The following CDC7 variants were observed in gnomAD, a reference collection of about 807,000 sequenced individuals.
CDC7 encodes the protein cell division cycle 7-related protein kinase.
CDC7 carries 34 observed loss-of-function variants against 53.5 expected under a neutral mutation model. That is an observed-to-expected ratio of 0.64 (90% confidence interval 0.48 to 0.85). The LOEUF (loss-of-function observed/expected upper bound fraction) is 0.85, where lower values mean the gene tolerates loss of function less well. Among genes scored for constraint, CDC7 ranks in the 40% least tolerant of loss-of-function variants. The pLI is 0.00. For synonymous variants in CDC7, 211 were observed against 222.8 expected (o/e 0.95, Z 0.47); for missense variants, 594 against 679.7 (o/e 0.87, Z 1.40).
chr1:91,510,344 C>T (rs926574989), intron 4 of CDC7, among the ~76,000 whole-genome samples: 2 of 151,886 alleles, frequency 1.3e-5, no homozygotes, highest in Non-Finnish European at 2.9e-5. Flanking sequence ...CGTATTCTGT[C>T]ATTATAAGTT....
intron 4 of CDC7, among the ~76,000 whole-genome samples, chr1:91,511,291 A>G (rs1571322997): frequency 6.6e-6 from 1 of 152,176 alleles, no homozygotes; most frequent in Non-Finnish European, 1.5e-5. Context: ...TATTACTGTT[A>G]CCATCTTATC....
chr1:91,522,614 A>G (rs1557602785), intron 11 of CDC7, among the ~76,000 whole-genome samples: 1 of 152,210 alleles, frequency 6.6e-6, no homozygotes, highest in Non-Finnish European at 1.5e-5. Context: ...ATGCTATAAC[A>G]TATACTATTA....
rs1273918040 is a variant in CDC7 at position 91,524,910 on chromosome 1, A to G, written c.*475A>G. 1 of 153,334 alleles carries G rather than the reference A, an allele frequency of 6.5e-6. No individual in the cohort carries two copies. The highest frequency in any genetic ancestry group is 1.5e-5 in the Non-Finnish European group (1 of 68,908). The allele number at this position is 153,334 out of a possible 1,614,324, so 9.5% of individuals were successfully genotyped here. A position where few individuals can be genotyped will look rare whatever the true frequency, so the allele number is the denominator to read the frequency against. The stretch of plus-strand genomic sequence containing the variant: ...AATAAAGAAGATAATTTCCTTTTCT[A>G]GAGGTACATATTAGGCCTTTTATGA... On this transcript the variant is annotated 3_prime_UTR_variant, in exon 12 of 12. Coordinates refer to ENST00000234626, the MANE Select transcript of CDC7 (RefSeq NM_003503.4).
Position 91,523,905 on chromosome 1 carries a change from TG to T in CDC7, c.1331-135del. On this transcript the variant is annotated intron_variant, in intron 11 of 11. Coordinates refer to ENST00000234626, the MANE Select transcript of CDC7 (RefSeq NM_003503.4). Reference sequence around the variant, plus strand: ...TGCTCTATCTCATACTGTGTGTGTGTGTGTGTGTGTGTGTGTGTGTCCATGT... The same window carrying T: ...TGCTCTATCTCATACTGTGTGTGTGTTGTGTGTGTGTGTGTGTGTCCATGT... 4 of 560,742 alleles carry T rather than the reference TG, an allele frequency of 7.1e-6. 1 individual carries two copies. Among genetic ancestry groups the T allele is most frequent in the Non-Finnish European group, 1.2e-5 (4 of 320,676 alleles). 34.7% of individuals were successfully genotyped at this position (560,742 alleles called of 1,614,324 possible).
chr1:91,514,245 CA>C (rs1667436617), intron 8 of CDC7, among the ~76,000 whole-genome samples: 1 of 152,044 alleles, frequency 6.6e-6, no homozygotes, highest in Non-Finnish European at 1.5e-5. Context: ...AATTTTTTCT[CA>C]TTTTTGGTTA....
chr1:91,514,980 T>C lies in CDC7; in HGVS notation c.1080T>C (p.Cys360=). The C allele has an allele frequency of 3.1e-6, 5 of 1,610,088 alleles. No individual in the cohort carries two copies. Among genetic ancestry groups the C allele is most frequent in the Non-Finnish European group, 4.2e-6 (5 of 1,178,918 alleles). The change falls in exon 9 of 12, where the codon TGT becomes TGC. Residue 360 remains cysteine (C), a synonymous_variant. Coordinates refer to ENST00000234626, the MANE Select transcript of CDC7 (RefSeq NM_003503.4). ...TCDCYATDKV[C]SICLSRRQQV... ...ACTGCTATGCAACAGATAAAGTTTG[T>C]AGTATTTGCCTTTCAAGGTAATGTG...
chr1:91,513,386 CT>C, intron 7 of CDC7, 79 bp downstream of exon 7: 1 of 1,323,410 alleles, frequency 7.6e-7, no homozygotes, highest in Non-Finnish European at 1.1e-6. Flanking sequence ...AGATAGAATA[CT>C]AGGATAGTAC....
intron 2 of CDC7, among the ~76,000 whole-genome samples, chr1:91,506,295 A>T (rs1030253156): frequency 3.3e-5 from 5 of 151,752 alleles, no homozygotes; most frequent in African/African-American, 1.2e-4. Flanking sequence ...CCACCGCCCC[A>T]GGCCACATTG....
intron 6 of CDC7, among the ~76,000 whole-genome samples, chr1:91,512,167 A>G (rs1426967913): frequency 6.6e-6 from 1 of 152,076 alleles, no homozygotes; most frequent in African/African-American, 2.4e-5. Flanking sequence ...CAGAGTGTGC[A>G]TTAGGTCTAG....
In CDC7 at chr1:91,512,365, A is replaced by G. The variant is rs13447507; in HGVS notation, c.572+442A>G. On this transcript the variant is annotated intron_variant, in intron 6 of 11. Coordinates refer to ENST00000234626, the MANE Select transcript of CDC7 (RefSeq NM_003503.4). The stretch of plus-strand genomic sequence containing the variant: ...AATAATGTACATTATTAGATGTACT[A>G]TGGTTCAGTGGAAATAGCATGAACT... Among the ~76,000 whole-genome samples, 979 of 150,844 alleles carry G rather than the reference A, an allele frequency of 6.5e-3. 8 individuals are homozygous for G. The highest frequency in any genetic ancestry group is 0.023 in the African/African-American group (928 of 41,072).
chr1:91,518,273 A>G, intron 10 of CDC7, among the ~76,000 whole-genome samples: 1 of 152,102 alleles, frequency 6.6e-6, no homozygotes, highest in South Asian at 2.1e-4. Context: ...TCAGAAGATT[A>G]AAGTTTCTAT....
At chr1:91,513,342 G>A in intron 7 of CDC7, 35 bp downstream of exon 7, 1 of 1,581,334 alleles carries the variant, frequency 6.3e-7, no homozygotes, top group African/African-American at 1.4e-5. Flanking sequence ...TACCGACACT[G>A]TTTTAGAAAT....
intron 11 of CDC7, among the ~76,000 whole-genome samples, chr1:91,523,085 T>C (rs574654574): frequency 1.3e-5 from 2 of 152,322 alleles, no homozygotes; most frequent in East Asian, 3.9e-4. Flanking sequence ...TTCAAATACA[T>C]TTATATTTTT....
Position 91,524,612 on chromosome 1 carries a change from T to C in CDC7, c.*177T>C. On this transcript the variant is annotated 3_prime_UTR_variant, in exon 12 of 12. Coordinates refer to ENST00000234626, the MANE Select transcript of CDC7 (RefSeq NM_003503.4). ...AGAATACTTAAAATGCCTGGGATAG[T>C]TCTTGGGACTAACAACATGATCTTC... The C allele has an allele frequency of 1.8e-6, 1 of 559,546 alleles. No homozygotes were observed. Among genetic ancestry groups the C allele is most frequent in the South Asian group, 2.8e-5 (1 of 35,692 alleles). 34.7% of individuals were successfully genotyped at this position (559,546 alleles called of 1,614,324 possible). A position where few individuals can be genotyped will look rare whatever the true frequency, so the allele number is the denominator to read the frequency against.
intron 2 of CDC7, among the ~76,000 whole-genome samples, chr1:91,503,172 A>G (rs1183088087): frequency 2.0e-5 from 3 of 152,212 alleles, no homozygotes; most frequent in Non-Finnish European, 2.9e-5. Flanking sequence ...TAATATTCTG[A>G]AAATCTGCTG....
intron 11 of CDC7, among the ~76,000 whole-genome samples, chr1:91,523,306 C>T (rs1419305553): frequency 6.6e-6 from 1 of 152,050 alleles, no homozygotes; most frequent in Non-Finnish European, 1.5e-5. Context: ...TCAAGAACAG[C>T]ATCTCTAAGG....
chr1:91,512,716 G>A (rs956880407), intron 6 of CDC7, among the ~76,000 whole-genome samples: 4 of 151,310 alleles, frequency 2.6e-5, no homozygotes, highest in Admixed American at 1.3e-4. Context: ...ATTTTTTTAA[G>A]CTTTCTTAAC....
At chr1:91,523,999 A>T in intron 11 of CDC7, 42 bp from the exon 12 acceptor site, 2 of 1,485,908 alleles carry the variant, frequency 1.3e-6, no homozygotes, top group South Asian at 2.6e-5. Flanking sequence ...CAAATAATAA[A>T]ATGTTTTTTT....
chr1:91,507,585 C>T (rs933089677), intron 2 of CDC7, among the ~76,000 whole-genome samples: 1 of 150,998 alleles, frequency 6.6e-6, no homozygotes, highest in African/African-American at 2.4e-5. Flanking sequence ...GTTGTAATCT[C>T]TACAGTAACA....
Sources: allele counts gnomAD v4.1 joint callset (sites outside exome capture counted in the v4.1 genomes callset), GRCh38; gene constraint gnomAD v4.1.1; transcripts MANE v1.5; gene names NCBI Gene and HGNC (gene_info 2026-07-23, HGNC 2026-07-21).